The following PMFBP1 variants were observed in gnomAD, a reference collection of about 807,000 sequenced individuals.
PMFBP1 encodes the protein polyamine modulated factor 1 binding protein 1, also known as polyamine-modulated factor 1-binding protein 1.
PMFBP1 carries 131 observed loss-of-function variants against 137.8 expected under a neutral mutation model. The observed-to-expected ratio is 0.95, with a 90% CI of 0.82 to 1.10. The LOEUF (loss-of-function observed/expected upper bound fraction) is 1.10, where lower values mean the gene tolerates loss of function less well. PMFBP1 is among the 50% of genes least tolerant of loss of function. The pLI, the probability that PMFBP1 is intolerant of heterozygous loss-of-function variation, is 0.00. For synonymous variants in PMFBP1, 490 were observed against 450.4 expected, an observed-to-expected ratio of 1.09 and a Z score of -1.11; for missense variants, 1,199 against 1,175.4, an observed-to-expected ratio of 1.02 and a Z score of -0.29.
intron 9 of PMFBP1, 50 bp from the exon 10 acceptor site, chr16:72,133,041 T>C: frequency 6.3e-7 from 1 of 1,596,264 alleles, no homozygotes; most frequent in East Asian, 2.2e-5. Flanking sequence ...TGGCAGTGGG[T>C]GAAGGCAATG....
intron 2 of PMFBP1, among the ~76,000 whole-genome samples, chr16:72,167,575 G>C (rs1408746930): frequency 6.6e-6 from 1 of 152,216 alleles, no homozygotes; most frequent in Non-Finnish European, 1.5e-5. Flanking sequence ...TCGATGAAGA[G>C]TGGTAGTTTG....
At chr16:72,231,039 G>T in the PMFBP1 span, among the ~76,000 whole-genome samples, 1 of 152,150 alleles carries the variant, frequency 6.6e-6, no homozygotes, top group Non-Finnish European at 1.5e-5. Context: ...AGAATCAAAT[G>T]AAATATAACA....
the PMFBP1 span, among the ~76,000 whole-genome samples, chr16:72,244,322 G>A: frequency 2.6e-5 from 4 of 152,204 alleles, 1 homozygote. Context: ...AAACAAAAGA[G>A]GAAAGCTTCA....
intron 4 of PMFBP1, among the ~76,000 whole-genome samples, chr16:72,151,668 G>C (rs1453107579): frequency 1.3e-5 from 2 of 152,192 alleles, no homozygotes; most frequent in Non-Finnish European, 2.9e-5. Context: ...TCTGTCATTT[G>C]AGATTCTTCT....
chr16:72,192,993 T>C, the PMFBP1 span, among the ~76,000 whole-genome samples: 5 of 152,080 alleles, frequency 3.3e-5, no homozygotes, highest in Admixed American at 2.0e-4. Flanking sequence ...ATGTGCACGT[T>C]ATATTGAGTG....
the PMFBP1 span, among the ~76,000 whole-genome samples, chr16:72,207,793 A>G: frequency 6.6e-6 from 1 of 151,730 alleles, no homozygotes; most frequent in East Asian, 1.9e-4. Flanking sequence ...TATCATAAGA[A>G]ATTGGCTCAC....
At chr16:72,159,442 A>G (rs547820482) in intron 3 of PMFBP1, among the ~76,000 whole-genome samples, 1 of 152,352 alleles carries the variant, frequency 6.6e-6, no homozygotes, top group Non-Finnish European at 1.5e-5. Context: ...GGCTAGCCAG[A>G]TGATGAGATT....
chr16:72,122,434 TG>T (rs1020038396), intron 19 of PMFBP1, among the ~76,000 whole-genome samples: 3 of 152,184 alleles, frequency 2.0e-5, no homozygotes, highest in African/African-American at 7.2e-5. Context: ...TCCCTCTTAG[TG>T]GACCCAGCTT....
chr16:72,140,392 T>C lies in PMFBP1; in HGVS notation c.807+20A>G. 2 of 1,598,860 alleles carry C rather than the reference T, an allele frequency of 1.3e-6. No homozygotes were observed. Among genetic ancestry groups the C allele is most frequent in the Non-Finnish European group, 1.7e-6 (2 of 1,166,202 alleles). ...TGATTGAGGGTCTCCCAGAGACATG[T>C]TCTAGAAGAAGGCACTTACCAAAGC... is the stretch of plus-strand genomic sequence containing the variant. On this transcript the variant is annotated intron_variant, in intron 6 of 20. Transcript: ENST00000237353.
intron 5 of PMFBP1, among the ~76,000 whole-genome samples, chr16:72,144,083 T>C (rs535222268): frequency 6.6e-5 from 10 of 152,056 alleles, no homozygotes; most frequent in African/African-American, 2.4e-4. Flanking sequence ...AAAGATCCCA[T>C]TTATAAAACC....
chr16:72,172,375 C>T (rs940853738), upstream of PMFBP1: 4 of 150,780 alleles, frequency 2.7e-5, no homozygotes, highest in Non-Finnish European at 5.9e-5. Context: ...TGCTACATGT[C>T]CTTTATGAGT....
At chr16:72,176,586 T>C (rs955002384), upstream of PMFBP1, among the ~76,000 whole-genome samples, 3 of 152,234 alleles carry the variant, frequency 2.0e-5, no homozygotes, top group African/African-American at 7.2e-5. Context: ...ACCTTTCTAA[T>C]GGCTTGTAAT....
At chr16:72,213,413 G>A in the PMFBP1 span, among the ~76,000 whole-genome samples, 2 of 152,186 alleles carry the variant, frequency 1.3e-5, no homozygotes, top group South Asian at 4.1e-4. Context: ...TCACTTGCTT[G>A]CTCTGATGAA....
chr16:72,240,481 A>G, the PMFBP1 span, among the ~76,000 whole-genome samples: 2 of 152,254 alleles, frequency 1.3e-5, no homozygotes, highest in Non-Finnish European at 2.9e-5. Flanking sequence ...TTTTGTTAAG[A>G]TAGATGTTCG....
Position 72,130,596 on chromosome 16 carries a change from T to C in PMFBP1, c.1574A>G (p.Gln525Arg), listed in dbSNP as rs1276463553. Residue 525 changes from glutamine (Q) to arginine (R), a missense_variant, in exon 11 of 21, where the codon CAG becomes CGG. Physicochemically the swap from Gln to Arg is conservative, Grantham distance 43. Coordinates refer to ENST00000237353, the MANE Select transcript of PMFBP1 (RefSeq NM_031293.3). ...KQKADTIQEL[Q>R]RELQMLQKES... Reference sequence around the variant, plus strand: ...CTTCTGCAGCATCTGAAGTTCTCTCTGTAGTTCCTGGATGGTGTCTGCCTT... The same window carrying C: ...CTTCTGCAGCATCTGAAGTTCTCTCCGTAGTTCCTGGATGGTGTCTGCCTT... The C allele has an allele frequency of 2.5e-6, 4 of 1,613,922 alleles. No homozygotes were observed. The highest frequency in any genetic ancestry group is 1.7e-5 in the Admixed American group (1 of 59,992).
the PMFBP1 span, among the ~76,000 whole-genome samples, chr16:72,232,993 ACT>A: frequency 5.3e-5 from 8 of 152,126 alleles, no homozygotes; most frequent in East Asian, 5.8e-4. Context: ...ACAGTGATTA[ACT>A]CTGTCAGAAT....
the PMFBP1 span, among the ~76,000 whole-genome samples, chr16:72,247,260 A>G: frequency 6.6e-6 from 1 of 152,196 alleles, no homozygotes; most frequent in Non-Finnish European, 1.5e-5. Flanking sequence ...ATCACAGAGC[A>G]TTTTCTTTGG....
chr16:72,246,074 T>C, the PMFBP1 span, among the ~76,000 whole-genome samples: 4 of 152,124 alleles, frequency 2.6e-5, no homozygotes, highest in Non-Finnish European at 5.9e-5. Flanking sequence ...GAATGGTGCA[T>C]TATGCGCACT....
chr16:72,154,821 A>G (rs141414515), intron 3 of PMFBP1, among the ~76,000 whole-genome samples: 7 of 152,294 alleles, frequency 4.6e-5, no homozygotes, highest in African/African-American at 1.7e-4. Flanking sequence ...AAGGAAATGG[A>G]TTTCTGGCCT....
Sources: gnomAD v4.1 joint callset for allele counts (sites outside exome capture counted in the v4.1 genomes callset) on GRCh38, gnomAD v4.1.1 for gene constraint, MANE v1.5 for transcripts, NCBI Gene and HGNC (gene_info 2026-07-23, HGNC 2026-07-21) for gene names.